The following PDE1A variants were observed in gnomAD, a reference collection of about 807,000 sequenced individuals.
PDE1A encodes phosphodiesterase 1A.
A neutral mutation model predicts 61.7 loss-of-function variants in PDE1A; 35 were observed. That is an observed-to-expected ratio of 0.57 (90% CI 0.43 to 0.75). The LOEUF (loss-of-function observed/expected upper bound fraction) is 0.75. PDE1A is among the 30% of genes least tolerant of loss of function. PDE1A has a pLI of 0.00. For synonymous variants in PDE1A, 232 were observed against 213.2 expected, an observed-to-expected ratio of 1.09 and a Z score of -0.77; for missense variants, 597 against 630.6, an observed-to-expected ratio of 0.95 and a Z score of 0.57.
Position 182,209,808 on chromosome 2 carries a change from C to A in PDE1A, c.777-3743G>T, listed in dbSNP as rs1344431973. Among the ~76,000 whole-genome samples, 6 of 152,216 alleles carry A rather than the reference C, an allele frequency of 3.9e-5. No homozygotes were observed. The East Asian group carries it at 1.2e-3, about 30-fold the overall frequency. On this transcript the variant is annotated intron_variant, in intron 7 of 13. Transcript: ENST00000351439. ...AGGCCTCCCAGCCTCACCAGCCATG[C>A]CTTCTGTATGGCATCTGGAACTATG...
At chr2:182,413,820 G>A (rs753925934) in intron 1 of PDE1A, among the ~76,000 whole-genome samples, 3 of 152,126 alleles carry the variant, frequency 2.0e-5, no homozygotes, top group Non-Finnish European at 4.4e-5. Flanking sequence ...GTGTGTTTAT[G>A]TTAGGGTGCA....
chr2:182,188,930 A>T (rs777952035), intron 11 of PDE1A, 49 bp downstream of exon 11: 39 of 1,242,966 alleles, frequency 3.1e-5, no homozygotes, highest in Non-Finnish European at 4.4e-5. Flanking sequence ...CCATTTGAAA[A>T]CTGACAAGCA....
At chr2:182,655,966 C>T in the PDE1A span, among the ~76,000 whole-genome samples, 1 of 152,228 alleles carries the variant, frequency 6.6e-6, no homozygotes, top group Non-Finnish European at 1.5e-5. Context: ...GCCTTGAAGG[C>T]CTGCTGGGTT....
At chr2:182,222,659 C>A (rs752309301) in intron 7 of PDE1A, among the ~76,000 whole-genome samples, 3 of 151,942 alleles carry the variant, frequency 2.0e-5, no homozygotes, top group Non-Finnish European at 2.9e-5. Flanking sequence ...GCATATGGAA[C>A]TCATGCAACT....
intron 1 of PDE1A, among the ~76,000 whole-genome samples, chr2:182,291,275 C>T (rs1694513629): frequency 6.6e-6 from 1 of 152,126 alleles, no homozygotes; most frequent in Non-Finnish European, 1.5e-5. Context: ...CTATTGCCTT[C>T]AGAGATTTCC....
chr2:182,623,942 C>A, the PDE1A span, among the ~76,000 whole-genome samples: 42 of 151,758 alleles, frequency 2.8e-4, no homozygotes, highest in Non-Finnish European at 6.0e-4. Context: ...TGGCTAACAC[C>A]GTGAAACCCC....
intron 2 of PDE1A, among the ~76,000 whole-genome samples, chr2:182,478,892 T>C (rs1448013452): frequency 6.6e-6 from 1 of 151,914 alleles, no homozygotes; most frequent in Admixed American, 6.6e-5. Context: ...GACCCCTTAA[T>C]CTGGCCTTGG....
intron 2 of PDE1A, among the ~76,000 whole-genome samples, chr2:182,242,320 G>A (rs1244897209): frequency 2.0e-5 from 3 of 152,278 alleles, no homozygotes; most frequent in Admixed American, 6.5e-5. Context: ...ATCCTTAGTC[G>A]TGATGCATGA....
chr2:182,481,501 A>G (rs1459983357), intron 2 of PDE1A, among the ~76,000 whole-genome samples: 1 of 151,960 alleles, frequency 6.6e-6, no homozygotes, highest in Non-Finnish European at 1.5e-5. Context: ...TTCTAACTAC[A>G]GAAAAAGGAA....
At chr2:182,402,633 T>TA (rs1464279774) in intron 1 of PDE1A, among the ~76,000 whole-genome samples, 1 of 152,132 alleles carries the variant, frequency 6.6e-6, no homozygotes, top group East Asian at 1.9e-4. Flanking sequence ...CCTTCATGAC[T>TA]AAAACACCAA....
At chr2:182,673,034 G>A in the PDE1A span, among the ~76,000 whole-genome samples, 1 of 152,124 alleles carries the variant, frequency 6.6e-6, no homozygotes, top group East Asian at 1.9e-4. Flanking sequence ...TTAGAAAACA[G>A]CAGAGTAATT....
chr2:182,429,405 A>G (rs970677465), upstream of PDE1A, among the ~76,000 whole-genome samples: 4 of 152,134 alleles, frequency 2.6e-5, no homozygotes, highest in African/African-American at 9.7e-5. Context: ...TATGGCATAA[A>G]TAAAAAGGCC....
chr2:182,280,471 T>C (rs1693727143), intron 1 of PDE1A, among the ~76,000 whole-genome samples: 1 of 151,962 alleles, frequency 6.6e-6, no homozygotes, highest in South Asian at 2.1e-4. Flanking sequence ...GTATGTGACA[T>C]AAATCACTGA....
chr2:182,240,484 A>T (rs1428315924), intron 2 of PDE1A, among the ~76,000 whole-genome samples, 192 bp from the exon 3 acceptor site: 2 of 152,230 alleles, frequency 1.3e-5, no homozygotes, highest in Admixed American at 1.3e-4. Context: ...AATTGATCAT[A>T]TGAAGACAAC....
chr2:182,474,280 G>C (rs1366525888), intron 2 of PDE1A, among the ~76,000 whole-genome samples: 1 of 151,878 alleles, frequency 6.6e-6, no homozygotes, highest in Admixed American at 6.6e-5. Flanking sequence ...GGCTCTTTCA[G>C]AGTGAGAAAA....
At chr2:182,414,245 T>C (rs1702788184) in intron 1 of PDE1A, among the ~76,000 whole-genome samples, 1 of 152,060 alleles carries the variant, frequency 6.6e-6, no homozygotes, top group South Asian at 2.1e-4. Flanking sequence ...ATGGAGTAGA[T>C]AAGAGGAAAT....
chr2:182,308,761 CT>C (rs1695767556), intron 1 of PDE1A, among the ~76,000 whole-genome samples: 1 of 152,048 alleles, frequency 6.6e-6, no homozygotes, highest in East Asian at 1.9e-4. Flanking sequence ...AATCCAAATA[CT>C]TTTTTATATT....
intron 13 of PDE1A, among the ~76,000 whole-genome samples, chr2:182,159,682 T>C (rs1691273817): frequency 6.6e-6 from 1 of 152,174 alleles, no homozygotes; most frequent in Non-Finnish European, 1.5e-5. Flanking sequence ...TAAGAATTAA[T>C]GTAGGCCGAG....
chr2:182,152,412 C>CTTTTTTTTTTT (rs559392112), intron 13 of PDE1A, among the ~76,000 whole-genome samples: 2 of 75,292 alleles, frequency 2.7e-5, no homozygotes, highest in African/African-American at 5.3e-5. Flanking sequence ...TTTTTTTCCT[C>CTTTTTTTTTTT]TTTTTTTTTT....
Sources: gnomAD v4.1 joint callset for allele counts (sites outside exome capture counted in the v4.1 genomes callset) on GRCh38, gnomAD v4.1.1 for gene constraint, MANE v1.5 for transcripts, NCBI Gene and HGNC (gene_info 2026-07-23, HGNC 2026-07-21) for gene names.